The following FHIT variants were observed in gnomAD, a reference collection of about 807,000 sequenced individuals.
FHIT encodes fragile histidine triad diadenosine triphosphatase.
FHIT carries 19 observed loss-of-function variants against 17.9 expected under a neutral mutation model. The ratio of observed to expected loss-of-function variants is 1.06; its 90% confidence interval spans 0.74 to 1.56. The LOEUF (loss-of-function observed/expected upper bound fraction) is 1.56, where lower values mean the gene tolerates loss of function less well. Ranked by LOEUF, FHIT falls within the 40% of genes most tolerant of loss-of-function variation. FHIT has a pLI of 0.00. For missense variants in FHIT, 248 were observed against 189.2 expected (o/e 1.31, Z -1.82); for synonymous variants, 81 against 69.7 (o/e 1.16, Z -0.81).
intron 4 of FHIT, chr3:60,617,053 G>T (rs1480385692): frequency 4.7e-6 from 1 of 212,240 alleles, no homozygotes; most frequent in South Asian, 8.6e-5. Flanking sequence ...ATACTGACAT[G>T]GCAAAGAAAC....
At chr3:60,208,271 T>C (rs1291417077) in intron 5 of FHIT, among the ~76,000 whole-genome samples, 1 of 152,206 alleles carries the variant, frequency 6.6e-6, no homozygotes, top group Non-Finnish European at 1.5e-5. Flanking sequence ...ATCACATTTT[T>C]ATTGAAGAAG....
At chr3:59,756,183 G>A (rs1207069922) in intron 8 of FHIT, among the ~76,000 whole-genome samples, 1 of 151,816 alleles carries the variant, frequency 6.6e-6, no homozygotes, top group Non-Finnish European at 1.5e-5. Context: ...CATCTCCATG[G>A]TTCCCCAGTG....
intron 3 of FHIT, among the ~76,000 whole-genome samples, chr3:60,975,830 A>G (rs2107539938): frequency 6.6e-6 from 1 of 152,330 alleles, no homozygotes; most frequent in East Asian, 1.9e-4. Context: ...ACAACTCACC[A>G]GTAGCTTACA....
chr3:60,838,841 T>C (rs1392751314), intron 3 of FHIT, among the ~76,000 whole-genome samples: 4 of 152,182 alleles, frequency 2.6e-5, no homozygotes, highest in African/African-American at 7.2e-5. Flanking sequence ...CTTGTCACGA[T>C]GCTGACACAC....
chr3:60,914,462 A>G (rs1553766653), intron 3 of FHIT, among the ~76,000 whole-genome samples: 1 of 152,026 alleles, frequency 6.6e-6, no homozygotes, highest in Non-Finnish European at 1.5e-5. Context: ...TGGCCATGGA[A>G]GGACGGTTGT....
intron 5 of FHIT, among the ~76,000 whole-genome samples, chr3:60,517,146 T>C (rs1233185349): frequency 6.6e-6 from 1 of 152,202 alleles, no homozygotes; most frequent in South Asian, 2.1e-4. Flanking sequence ...TGAATAGTTA[T>C]AAAGGCTCAA....
chr3:60,693,007 C>G (rs964598524), intron 4 of FHIT, among the ~76,000 whole-genome samples: 2 of 152,196 alleles, frequency 1.3e-5, no homozygotes, highest in Non-Finnish European at 2.9e-5. Context: ...ATTGTTCATT[C>G]TAGTTCCACC....
At chr3:60,867,995 T>C (rs1553754209) in intron 3 of FHIT, among the ~76,000 whole-genome samples, 3 of 152,160 alleles carry the variant, frequency 2.0e-5, no homozygotes, top group African/African-American at 7.2e-5. Context: ...ATAAGTCATG[T>C]CTTATATGAC....
chr3:61,251,114 G>A (rs542874805), intron 1 of FHIT, among the ~76,000 whole-genome samples, 187 bp downstream of exon 1: 8 of 152,156 alleles, frequency 5.3e-5, no homozygotes, highest in African/African-American at 1.2e-4. Context: ...CGGTGCTTGG[G>A]AATTGGGGGG....
chr3:61,217,645 T>C (rs1049713317), intron 1 of FHIT, among the ~76,000 whole-genome samples: 7 of 151,342 alleles, frequency 4.6e-5, no homozygotes, highest in Middle Eastern at 3.2e-3. Context: ...AATGAGGGAG[T>C]GTCTGTTACA....
intron 2 of FHIT, among the ~76,000 whole-genome samples, chr3:61,105,190 T>C (rs918612692): frequency 1.3e-5 from 2 of 152,164 alleles, no homozygotes; most frequent in Admixed American, 6.5e-5. Flanking sequence ...TCTCTCATCT[T>C]TGTGGGCTTA....
chr3:61,132,219 C>G (rs1400258959), intron 2 of FHIT, among the ~76,000 whole-genome samples: 1 of 152,200 alleles, frequency 6.6e-6, no homozygotes, highest in East Asian at 1.9e-4. Flanking sequence ...TGAAGGAATA[C>G]TGAATTAGTC....
At chr3:60,763,018 G>C (rs563595805) in intron 4 of FHIT, among the ~76,000 whole-genome samples, 3 of 152,248 alleles carry the variant, frequency 2.0e-5, no homozygotes, top group South Asian at 2.1e-4. Context: ...CTGGGTTTCT[G>C]TTCACTGAAA....
intron 3 of FHIT, among the ~76,000 whole-genome samples, chr3:60,837,254 A>T (rs1702570757): frequency 6.6e-6 from 1 of 152,188 alleles, no homozygotes; most frequent in Admixed American, 6.5e-5. Flanking sequence ...AGGCTTCTGC[A>T]GTTTTTCAAG....
chr3:60,128,751 A>G (rs1405281850), intron 5 of FHIT, among the ~76,000 whole-genome samples: 1 of 152,188 alleles, frequency 6.6e-6, no homozygotes, highest in East Asian at 1.9e-4. Context: ...GATTGGACAT[A>G]GAAATGATAT....
chr3:60,899,980 C>T (rs1308472701), intron 3 of FHIT, among the ~76,000 whole-genome samples: 4 of 152,122 alleles, frequency 2.6e-5, no homozygotes, highest in Admixed American at 2.6e-4. Context: ...TGAGCATCCC[C>T]CACTCATTGG....
At chr3:60,634,540 C>T (rs1480000588) in intron 4 of FHIT, among the ~76,000 whole-genome samples, 1 of 152,186 alleles carries the variant, frequency 6.6e-6, no homozygotes, top group African/African-American at 2.4e-5. Flanking sequence ...CATCACTCTG[C>T]TTGAGAAATC....
In FHIT at chr3:61,083,107, C is replaced by T. The variant is rs183547159; in HGVS notation, c.-163-41008G>A. ...TGATGTCTTTAGTTCATAAACTTTC[C>T]ATTTTGATGTACTCTAATATATTTA... On this transcript the variant is annotated intron_variant, in intron 2 of 9. Coordinates refer to ENST00000492590, the MANE Select transcript of FHIT (RefSeq NM_002012.4). Among the ~76,000 whole-genome samples, 189 of 152,286 alleles carry T rather than the reference C, an allele frequency of 1.2e-3. 2 individuals carry two copies. The highest frequency in any genetic ancestry group is 3.2e-4 in the Non-Finnish European group (22 of 68,022).
intron 3 of FHIT, among the ~76,000 whole-genome samples, chr3:60,909,883 A>G (rs1166239288): frequency 1.3e-5 from 2 of 152,160 alleles, no homozygotes; most frequent in Non-Finnish European, 2.9e-5. Flanking sequence ...GCCTCAGTAT[A>G]TGGTCTTTGC....
Sources: allele counts gnomAD v4.1 joint callset (sites outside exome capture counted in the v4.1 genomes callset), GRCh38; gene constraint gnomAD v4.1.1; transcripts MANE v1.5; gene names NCBI Gene and HGNC (gene_info 2026-07-23, HGNC 2026-07-21).